PRMT1: variants seen among roughly 807,000 people sequenced by gnomAD.
The protein encoded by PRMT1 is protein arginine N-methyltransferase 1.
In PRMT1, 5 loss-of-function variants were observed where a neutral mutation model predicts 47.4. That is an observed-to-expected ratio of 0.11 (90% confidence interval 0.06 to 0.22). The LOEUF (loss-of-function observed/expected upper bound fraction) is 0.22. Among genes scored for constraint, PRMT1 ranks in the 10% least tolerant of loss-of-function variants. The pLI, the probability that PRMT1 is intolerant of heterozygous loss-of-function variation, is 1.00. For synonymous variants in PRMT1, 227 were observed against 204.6 expected (o/e 1.11, Z -0.94); for missense variants, 249 against 518.4 (o/e 0.48, Z 5.05).
chr19:49,682,954 T>C (rs1025033378), intron 5 of PRMT1, among the ~76,000 whole-genome samples: 4 of 151,776 alleles, frequency 2.6e-5, no homozygotes, highest in South Asian at 4.2e-4. Flanking sequence ...CCCGGCTAAT[T>C]TTTTTGTTTT....
At chr19:49,682,281 GT>G (rs757007710) in intron 5 of PRMT1, 22 bp downstream of exon 5, 17 of 1,609,682 alleles carry the variant, frequency 1.1e-5, no homozygotes, top group Non-Finnish European at 8.5e-7. Context: ...AAGAGGATGG[GT>G]TTGTGGGAGT....
chr19:49,680,415 A>G lies in PRMT1; in HGVS notation c.91-72A>G. 1 of 1,293,970 alleles carries G rather than the reference A, an allele frequency of 7.7e-7. No individual in the cohort carries two copies. The highest frequency in any genetic ancestry group is 1.1e-6 in the Non-Finnish European group (1 of 890,804). The allele number at this position is 1,293,970 out of a possible 1,614,324, so 80.2% of individuals were successfully genotyped here. A position where few individuals can be genotyped will look rare whatever the true frequency, so the allele number is the denominator to read the frequency against. On this transcript the variant is annotated intron_variant, in intron 2 of 10. Transcript: ENST00000454376. The surrounding 1 kb of genome is among the most constrained non-coding windows in gnomAD (Gnocchi z 4.2). ...TCTATACTACTCTTCAGGGAAAAGT[A>G]GGGCGCTGGAGGTTTAAGAGGCTGT...
Position 49,683,886 on chromosome 19 carries a change from GC to G in PRMT1, c.413-39del, listed in dbSNP as rs1277703256. On this transcript the variant is annotated intron_variant, in intron 5 of 10. Transcript: ENST00000454376. ...CCGGGGGAGGTGAGGTGAGGGGCAG[GC>G]CTCCCGGGGGCTGACGTGGCCACCC... 8 of 1,589,736 alleles carry G rather than the reference GC, an allele frequency of 5.0e-6. No individual in the cohort carries two copies. The Admixed American group carries it at 5.5e-5, about 11-fold the overall frequency.
In PRMT1 at chr19:49,685,546, A is replaced by G. The variant is rs568876425; in HGVS notation, c.759+509A>G. The G allele has an allele frequency of 2.6e-6, 1 of 385,072 alleles. No homozygotes were observed. The highest frequency in any genetic ancestry group is 3.5e-6 in the Non-Finnish European group (1 of 284,168). The allele number at this position is 385,072 out of a possible 1,614,324, so 23.9% of individuals were successfully genotyped here. ...TTTTTTTACTTCTGAGACCCTGTTT[A>G]AAAAAAAAAAATACGGCGATGAGTA... On this transcript the variant is annotated intron_variant, in intron 8 of 10. Transcript: ENST00000454376. This position sits in a 1 kb window ranked among gnomAD's most constrained non-coding sequence, Gnocchi z 4.7.
chr19:49,684,642 C>G lies in PRMT1; in HGVS notation c.556-112C>G. The G allele has an allele frequency of 1.6e-6, 2 of 1,238,952 alleles. No homozygotes were observed. Among genetic ancestry groups the G allele is most frequent in the South Asian group, 1.3e-5 (1 of 76,150 alleles). 76.7% of individuals were successfully genotyped at this position (1,238,952 alleles called of 1,614,324 possible). On this transcript the variant is annotated intron_variant, in intron 6 of 10. Transcript: ENST00000454376. The surrounding 1 kb of genome is among the most constrained non-coding windows in gnomAD (Gnocchi z 6.2). Reference sequence around the variant, plus strand: ...AGACCAGGGGGCGAGGGGTGAGTGCCGCTGCGACATGAGGGTGGCCCAGAC... The same window carrying G: ...AGACCAGGGGGCGAGGGGTGAGTGCGGCTGCGACATGAGGGTGGCCCAGAC...
At position 49,684,900 on chromosome 19, in the gene PRMT1, C is replaced by G. The variant is rs555215798; in HGVS notation, c.644-22C>G. On this transcript the variant is annotated intron_variant, in intron 7 of 10. Transcript: ENST00000454376. The surrounding 1 kb of genome is among the most constrained non-coding windows in gnomAD (Gnocchi z 6.2). ...TCGGGTGGGCTGCTGCGGGCTCACC[C>G]CCTCCCTGCCTGCCTCCCCAGGGTG... is the stretch of plus-strand genomic sequence containing the variant. 7 of 1,604,562 alleles carry G rather than the reference C, an allele frequency of 4.4e-6. No homozygotes were observed. The highest frequency in any genetic ancestry group is 6.0e-6 in the Non-Finnish European group (7 of 1,173,762).
Position 49,685,272 on chromosome 19 carries a change from C to T in PRMT1, c.759+235C>T. 6.9e-7 allele frequency: 1 copy of T among 1,447,494 alleles called. No homozygotes were observed. The highest frequency in any genetic ancestry group is 1.4e-5 in the South Asian group (1 of 72,728). 89.7% of individuals were successfully genotyped at this position (1,447,494 alleles called of 1,614,324 possible). ...ACTTGGCTTCTGGCGGAGGAAACAC[C>T]CAAAGCTGGCAGCTAAAGCCCACAG... On this transcript the variant is annotated intron_variant, in intron 8 of 10. Coordinates refer to ENST00000454376, the MANE Select transcript of PRMT1 (RefSeq NM_001536.6). The surrounding 1 kb of genome is among the most constrained non-coding windows in gnomAD (Gnocchi z 4.7).
chr19:49,681,857 C>A lies in PRMT1; in HGVS notation c.193-53C>A. 1.3e-6 allele frequency: 2 copies of A among 1,574,446 alleles called. No homozygotes were observed. On this transcript the variant is annotated intron_variant, in intron 3 of 10. Transcript: ENST00000454376. This position sits in a 1 kb window ranked among gnomAD's most constrained non-coding sequence, Gnocchi z 4.4. The stretch of plus-strand genomic sequence containing the variant: ...CCGAGCTCTCAGGACACGCTGTTCT[C>A]CAGCTGGGGATATGGGGCCCCTCAC...
At chr19:49,679,607 T>C (rs1174475005) in intron 1 of PRMT1, 1 of 696,170 alleles carries the variant, frequency 1.4e-6, no homozygotes, top group East Asian at 2.7e-5. Flanking sequence ...TGTGGTCAGC[T>C]GCCTGGCCAG....
rs1023677236 is a variant in PRMT1 at position 49,680,104 on chromosome 19, C to A, written c.90+179C>A. 1.1e-5 allele frequency: 12 copies of A among 1,105,286 alleles called. No homozygotes were observed. Among genetic ancestry groups the A allele is most frequent in the Middle Eastern group, 2.0e-4 (1 of 4,926 alleles). The allele number at this position is 1,105,286 out of a possible 1,614,324, so 68.5% of individuals were successfully genotyped here. On this transcript the variant is annotated intron_variant, in intron 2 of 10. Coordinates refer to ENST00000454376, the MANE Select transcript of PRMT1 (RefSeq NM_001536.6). This position sits in a 1 kb window ranked among gnomAD's most constrained non-coding sequence, Gnocchi z 4.2. ...GTTCACAGCCCCCGCTGGCCTCCCC[C>A]AGTATCGCCGCTACTTCCTTAACTC...
rs762844764 is a variant in PRMT1, at chr19:49,685,618, C to A, written c.760-475C>A. ...AGCCGGGTGAAGCTGGGTGGCTGAC[C>A]GGGGGATCCTGTCGGGGAGGAGTAA... On this transcript the variant is annotated intron_variant, in intron 8 of 10. Coordinates refer to ENST00000454376, the MANE Select transcript of PRMT1 (RefSeq NM_001536.6). This position sits in a 1 kb window ranked among gnomAD's most constrained non-coding sequence, Gnocchi z 4.7. 5.5e-5 allele frequency: 55 copies of A among 1,008,972 alleles called. No homozygotes were observed. The highest frequency in any genetic ancestry group is 6.5e-5 in the Non-Finnish European group (55 of 845,536). 62.5% of individuals were successfully genotyped at this position (1,008,972 alleles called of 1,614,324 possible). A position where few individuals can be genotyped will look rare whatever the true frequency, so the allele number is the denominator to read the frequency against.
chr19:49,677,370 A>C, intron 1 of PRMT1, 54 bp downstream of exon 1: 1 of 1,349,930 alleles, frequency 7.4e-7, no homozygotes, highest in Non-Finnish European at 9.6e-7. Context: ...TCGGTGTTTC[A>C]CGCCTCTGTG....
rs1221628740 is a variant in PRMT1, at chr19:49,685,528, ACTTCTGAGACCCTGT to A, written c.759+492_759+506del. 9.9e-7 allele frequency: 1 copy of A among 1,006,294 alleles called. No individual in the cohort carries two copies. Among genetic ancestry groups the A allele is most frequent in the African/African-American group, 1.8e-5 (1 of 55,836 alleles). The allele number at this position is 1,006,294 out of a possible 1,614,324, so 62.3% of individuals were successfully genotyped here. On this transcript the variant is annotated intron_variant, in intron 8 of 10. Transcript: ENST00000454376. The surrounding 1 kb of genome is among the most constrained non-coding windows in gnomAD (Gnocchi z 4.7). The stretch of plus-strand genomic sequence containing the variant: ...TTGTTTTTTCCTTTTGTTTTTTTTT[ACTTCTGAGACCCTGT>A]TTAAAAAAAAAAAATACGGCGATGA...
intron 10 of PRMT1, 189 bp from the exon 11 acceptor site, chr19:49,687,973 G>A: frequency 3.1e-6 from 2 of 638,568 alleles, no homozygotes; most frequent in South Asian, 1.7e-5. Context: ...TGGGCTTGGG[G>A]GTGTCCATGT....
rs1341617711 is a variant in PRMT1, at chr19:49,683,827, TCTGAA to T, written c.413-94_413-90del. On this transcript the variant is annotated intron_variant, in intron 5 of 10. Coordinates refer to ENST00000454376, the MANE Select transcript of PRMT1 (RefSeq NM_001536.6). ...TTCATGGCTTCTGCTCACGCAGTTC[TCTGAA>T]CTGAAGTGGGGTCCCCAGGCTCTAG... 3.0e-5 allele frequency: 41 copies of T among 1,367,184 alleles called. No homozygotes were observed. In the East Asian group the frequency reaches 6.0e-4, roughly 20 times the overall value. The allele number at this position is 1,367,184 out of a possible 1,614,324, so 84.7% of individuals were successfully genotyped here.
intron 10 of PRMT1, 58 bp downstream of exon 10, chr19:49,686,784 GGGGGGGAGTGGT>G: frequency 9.5e-7 from 1 of 1,052,844 alleles, no homozygotes; most frequent in Non-Finnish European, 1.3e-6. Context: ...GTGTAGATTG[GGGGGGGAGTGGT>G]GGGGGAGGAA....
chr19:49,685,967 C>T lies in PRMT1; in HGVS notation c.760-126C>T. ...GTGAAGGAGGAGCCGAGGCTGGGTG[C>T]CAGTGAGGGAGGGCTAGCAGGAAGG... On this transcript the variant is annotated intron_variant, in intron 8 of 10. Transcript: ENST00000454376. This position sits in a 1 kb window ranked among gnomAD's most constrained non-coding sequence, Gnocchi z 4.7. The T allele has an allele frequency of 2.0e-6, 3 of 1,482,398 alleles. No individual in the cohort carries two copies. The highest frequency in any genetic ancestry group is 2.7e-6 in the Non-Finnish European group (3 of 1,123,560). 91.8% of individuals were successfully genotyped at this position (1,482,398 alleles called of 1,614,324 possible). A position where few individuals can be genotyped will look rare whatever the true frequency, so the allele number is the denominator to read the frequency against.
upstream of PRMT1, among the ~76,000 whole-genome samples, chr19:49,676,743 G>A (rs934358659): frequency 1.3e-5 from 2 of 152,182 alleles, no homozygotes; most frequent in African/African-American, 2.4e-5. Context: ...AATCGTTGGT[G>A]CCTGAAGCCC....
chr19:49,683,935 A>G lies in PRMT1; in HGVS notation c.421A>G (p.Ile141Val), dbSNP rs1198789636. 3 of 1,613,184 alleles carry G rather than the reference A, an allele frequency of 1.9e-6. No individual in the cohort carries two copies. Among genetic ancestry groups the G allele is most frequent in the East Asian group, 2.2e-5 (1 of 44,754 alleles). Residue 141 changes from isoleucine (I) to valine (V), a missense_variant, in exon 6 of 11, where the codon ATC (isoleucine) becomes GTC (valine). Coordinates refer to ENST00000454376, the MANE Select transcript of PRMT1 (RefSeq NM_001536.6). ...CCCTTGTCCGCCCGCAGTGGTGACC[A>G]TCATCAAGGGGAAGGTGGAGGAGGT... The part of the protein sequence containing the change: ...KANKLDHVVT[I>V]IKGKVEEVEL...
Sources: gnomAD v4.1 joint callset for allele counts (sites outside exome capture counted in the v4.1 genomes callset) on GRCh38, gnomAD v4.1.1 for gene constraint, Gnocchi (gnomAD v3.1) non-coding constraint, MANE v1.5 for transcripts, NCBI Gene and HGNC (gene_info 2026-07-23, HGNC 2026-07-21) for gene names.